The following MAPKBP1 variants were observed in gnomAD, a reference collection of about 807,000 sequenced individuals.
MAPKBP1 encodes mitogen-activated protein kinase-binding protein 1.
A neutral mutation model predicts 170.5 loss-of-function variants in MAPKBP1; 71 were observed. The observed-to-expected ratio is 0.42, with a 90% CI of 0.34 to 0.51. The LOEUF is 0.51. Among genes scored for constraint, MAPKBP1 ranks in the 20% least tolerant of loss-of-function variants. The pLI is 0.06. For synonymous variants in MAPKBP1, 719 were observed against 757.9 expected, an observed-to-expected ratio of 0.95 and a Z score of 0.84; for missense variants, 1,598 against 1,933.0, an observed-to-expected ratio of 0.83 and a Z score of 3.25.
intron 21 of MAPKBP1, 48 bp from the exon 22 acceptor site, chr15:41,819,547 C>CGGTGGG: frequency 2.4e-6 from 3 of 1,228,204 alleles, no homozygotes; most frequent in South Asian, 1.4e-5. Flanking sequence ...GGTTGGGTGG[C>CGGTGGG]GGGGGGGGGG....
chr15:41,793,209 T>C (rs1197706), intron 2 of MAPKBP1, among the ~76,000 whole-genome samples: 106,904 of 152,106 alleles, frequency 0.7, 38,036 homozygotes, highest in East Asian at 0.98. Context: ...ATATGTGGGC[T>C]GGGTGCAGTC....
intron 8 of MAPKBP1, 92 bp from the exon 9 acceptor site, chr15:41,813,529 C>T (rs1157590514): frequency 1.3e-6 from 2 of 1,537,030 alleles, no homozygotes; most frequent in African/African-American, 1.4e-5. Context: ...CTTGGCCGGT[C>T]CCTCCTCTTG....
At chr15:41,804,974 C>A (rs919142) in intron 3 of MAPKBP1, among the ~76,000 whole-genome samples, 1,936 of 152,288 alleles carry the variant, frequency 0.013, 48 homozygotes, top group African/African-American at 0.044. Context: ...TCCTTGTCTC[C>A]CTGCTTTTCT....
chr15:41,823,732 C>T lies in MAPKBP1; in HGVS notation c.3884C>T (p.Pro1295Leu), dbSNP rs1423147678. 6.2e-7 allele frequency: 1 copy of T among 1,614,098 alleles called. No individual in the cohort carries two copies. The highest frequency in any genetic ancestry group is 8.5e-7 in the Non-Finnish European group (1 of 1,180,046). Reference sequence around the variant, plus strand: ...CGGGCTCACCTGGTCCTGGACATCCCCAAACCACTGCCTGACCGTCCTACC... The same window carrying T: ...CGGGCTCACCTGGTCCTGGACATCCTCAAACCACTGCCTGACCGTCCTACC... Reference protein sequence around the residue: ...PSRAHLVLDIPKPLPDRPTLA... With the variant: ...PSRAHLVLDILKPLPDRPTLA... The change falls in exon 29 of 31, where the codon CCC (proline) becomes CTC (leucine). Residue 1295 changes from proline to leucine, a missense_variant. Around this residue, in one of 6 missense-constraint regions of MAPKBP1, gnomAD observed 942 missense variants for 953.2 expected, o/e 0.99. Transcript: ENST00000457542.
intron 2 of MAPKBP1, among the ~76,000 whole-genome samples, chr15:41,796,356 G>A (rs1352400455): frequency 1.3e-5 from 2 of 152,176 alleles, no homozygotes; most frequent in Non-Finnish European, 2.9e-5. Flanking sequence ...AGGAGGCGAG[G>A]AAGAAGGTTA....
intron 2 of MAPKBP1, among the ~76,000 whole-genome samples, chr15:41,784,031 TG>T (rs2064237355): frequency 6.6e-6 from 1 of 152,104 alleles, no homozygotes; most frequent in Admixed American, 6.5e-5. Context: ...CTCTGATTCT[TG>T]CACCTCTACG....
intron 20 of MAPKBP1, 64 bp downstream of exon 20, chr15:41,819,021 A>G (rs956683618): frequency 1.3e-5 from 21 of 1,596,784 alleles, no homozygotes; most frequent in African/African-American, 8.0e-5. Context: ...ACCTCACTGC[A>G]CTTCCTCCAT....
At chr15:41,788,947 G>A (rs1450657213) in intron 2 of MAPKBP1, among the ~76,000 whole-genome samples, 1 of 152,160 alleles carries the variant, frequency 6.6e-6, no homozygotes, top group Admixed American at 6.5e-5. Flanking sequence ...TGTGTTGAAG[G>A]CCTAAACTGG....
intron 2 of MAPKBP1, among the ~76,000 whole-genome samples, chr15:41,791,630 C>T (rs1038995238): frequency 4.6e-5 from 7 of 152,154 alleles, no homozygotes; most frequent in Admixed American, 1.3e-4. Context: ...GCTCTGGGAC[C>T]GCTTGGGATC....
chr15:41,817,280 C>T lies in MAPKBP1; in HGVS notation c.1712-108C>T. Reference sequence around the variant, plus strand: ...CCAGGTTTAATTTAGTTGGTTTTCCCTGGCATGTAGAGTAGCTTGATGGGG... The same window carrying T: ...CCAGGTTTAATTTAGTTGGTTTTCCTTGGCATGTAGAGTAGCTTGATGGGG... On this transcript the variant is annotated intron_variant, in intron 14 of 30. Coordinates refer to ENST00000457542, the MANE Select transcript of MAPKBP1 (RefSeq NM_014994.3). The surrounding 1 kb of genome is among the most constrained non-coding windows in gnomAD (Gnocchi z 4.2). 2 of 1,317,408 alleles carry T rather than the reference C, an allele frequency of 1.5e-6. No homozygotes were observed. Among genetic ancestry groups the T allele is most frequent in the Non-Finnish European group, 2.2e-6 (2 of 922,020 alleles). The allele number at this position is 1,317,408 out of a possible 1,614,324, so 81.6% of individuals were successfully genotyped here.
At chr15:41,814,084 G>A (rs1169927385) in intron 9 of MAPKBP1, among the ~76,000 whole-genome samples, 2 of 152,182 alleles carry the variant, frequency 1.3e-5, no homozygotes, top group Non-Finnish European at 2.9e-5. Flanking sequence ...ATGCTGTCCG[G>A]AACTAGGGGC....
At chr15:41,786,526 A>T (rs1026719789) in intron 2 of MAPKBP1, among the ~76,000 whole-genome samples, 1 of 151,812 alleles carries the variant, frequency 6.6e-6, no homozygotes, top group Admixed American at 6.6e-5. Context: ...GCACTTTGGG[A>T]GGCCAAGGCG....
At chr15:41,804,363 C>T (rs978320086) in intron 3 of MAPKBP1, among the ~76,000 whole-genome samples, 1 of 152,188 alleles carries the variant, frequency 6.6e-6, no homozygotes, top group Non-Finnish European at 1.5e-5. Context: ...GGGCTAGGCT[C>T]CATTTTCCCC....
intron 2 of MAPKBP1, among the ~76,000 whole-genome samples, chr15:41,784,642 C>T (rs1317404680): frequency 9.2e-5 from 14 of 151,914 alleles, no homozygotes; most frequent in South Asian, 2.1e-4. Context: ...ATTAGCTGGG[C>T]GTGGTGGCGC....
At chr15:41,816,727 C>T (rs1401181266) in intron 13 of MAPKBP1, 77 bp downstream of exon 13, 5 of 1,482,322 alleles carry the variant, frequency 3.4e-6, no homozygotes, top group South Asian at 1.1e-5. Context: ...GGCTCTTGGA[C>T]GTGGGGTCGG....
At chr15:41,777,969 T>G (rs2064125061) in intron 2 of MAPKBP1, among the ~76,000 whole-genome samples, 2 of 152,220 alleles carry the variant, frequency 1.3e-5, no homozygotes, top group Non-Finnish European at 2.9e-5. Flanking sequence ...GCCTTCTCCT[T>G]TACACCAAAT....
intron 5 of MAPKBP1, chr15:41,811,474 G>A: frequency 1.4e-6 from 1 of 694,004 alleles, no homozygotes; most frequent in Non-Finnish European, 2.6e-6. Context: ...TGTAGGTCTG[G>A]GATGGGAGTC....
intron 2 of MAPKBP1, among the ~76,000 whole-genome samples, chr15:41,781,956 T>G (rs927172848): frequency 5.3e-5 from 8 of 151,992 alleles, no homozygotes; most frequent in African/African-American, 1.9e-4. Flanking sequence ...TTTAAAAAAT[T>G]ATGAAATACA....
chr15:41,819,544 T>TGGTG lies in MAPKBP1; in HGVS notation c.2426-49_2426-48insTGGG, dbSNP rs200421549. On this transcript the variant is annotated intron_variant, in intron 21 of 30. Transcript: ENST00000457542. ...ATGGGGCCAGGGCTCCAGGGTTGGG[T>TGGTG]GGCGGGGGGGGGGCAGGAGACACTT... is the stretch of plus-strand genomic sequence containing the variant. 28 of 912,576 alleles carry TGGTG rather than the reference T, an allele frequency of 3.1e-5. No individual in the cohort carries two copies. The South Asian group carries it at 3.4e-4, about 11-fold the overall frequency. The allele number at this position is 912,576 out of a possible 1,614,324, so 56.5% of individuals were successfully genotyped here.
Sources: allele counts gnomAD v4.1 joint callset (sites outside exome capture counted in the v4.1 genomes callset), GRCh38; gene constraint gnomAD v4.1.1; regional missense constraint gnomAD v4.1.1; non-coding constraint Gnocchi (gnomAD v3.1); transcripts MANE v1.5; gene names NCBI Gene and HGNC (gene_info 2026-07-23, HGNC 2026-07-21).